Variants in FBXO34 observed in about 807,000 individuals in gnomAD.
The protein encoded by FBXO34 is F-box protein 34, also known as F-box only protein 34.
In FBXO34, 12 loss-of-function variants were observed where a neutral mutation model predicts 24.5. The observed-to-expected ratio is 0.49, with a 90% CI of 0.31 to 0.79. The LOEUF (loss-of-function observed/expected upper bound fraction) is 0.79. Among genes scored for constraint, FBXO34 ranks in the 30% least tolerant of loss-of-function variants. The pLI, the probability that FBXO34 is intolerant of heterozygous loss-of-function variation, is 0.04. For missense variants in FBXO34, 823 were observed against 857.7 expected (o/e 0.96, Z 0.51); for synonymous variants, 320 against 311.9 (o/e 1.03, Z -0.27).
At chr14:55,386,075 GT>G in the FBXO34 span, 2 of 1,609,878 alleles carry the variant, frequency 1.2e-6, no homozygotes, top group Non-Finnish European at 1.7e-6. Context: ...CTTTTCCTTG[GT>G]TTTGAGAAGG....
At chr14:55,417,880 A>G in the FBXO34 span, among the ~76,000 whole-genome samples, 5 of 152,200 alleles carry the variant, frequency 3.3e-5, no homozygotes, top group Non-Finnish European at 5.9e-5. Context: ...TTGAGATCAA[A>G]CAATATGGGC....
chr14:55,271,881 C>G (rs777908594), intron 1 of FBXO34: 1 of 152,184 alleles, frequency 6.6e-6, no homozygotes, highest in Non-Finnish European at 1.5e-5. Context: ...CTCCCACTTA[C>G]GGGACCCAGG....
chr14:55,322,891 T>G (rs571485820), intron 1 of FBXO34, among the ~76,000 whole-genome samples: 1 of 151,164 alleles, frequency 6.6e-6, no homozygotes, highest in East Asian at 2.0e-4. Flanking sequence ...ATTATTTTTT[T>G]GGCCGGGCAC....
At chr14:55,287,640 G>A (rs1881806232) in intron 1 of FBXO34, among the ~76,000 whole-genome samples, 2 of 152,114 alleles carry the variant, frequency 1.3e-5, no homozygotes, top group Admixed American at 6.5e-5. Flanking sequence ...TTGTTTGTTT[G>A]TTTGTTTTAT....
the FBXO34 span, among the ~76,000 whole-genome samples, chr14:55,418,338 T>A: frequency 6.6e-6 from 1 of 152,210 alleles, no homozygotes; most frequent in Non-Finnish European, 1.5e-5. Context: ...TCCCTACCCC[T>A]TAGTCAGCTC....
intron 1 of FBXO34, among the ~76,000 whole-genome samples, chr14:55,331,693 A>ATATATATATGTATATATATATATG (rs1555338515): frequency 1.5e-5 from 1 of 66,538 alleles, no homozygotes; most frequent in Non-Finnish European, 2.3e-5. Flanking sequence ...ATGTGTATAT[A>ATATATATATGTATATATATATATG]TATATATATA....
At chr14:55,396,714 C>T in the FBXO34 span, among the ~76,000 whole-genome samples, 6 of 152,266 alleles carry the variant, frequency 3.9e-5, no homozygotes, top group East Asian at 1.2e-3. Context: ...AATGAAGGCA[C>T]AAGAGATGCA....
chr14:55,436,009 C>T, the FBXO34 span: 1 of 960,938 alleles, frequency 1.0e-6, no homozygotes, highest in Admixed American at 2.9e-5. Flanking sequence ...CTTATTTTCT[C>T]ATTTCTTAGG....
At chr14:55,432,789 A>G in the FBXO34 span, among the ~76,000 whole-genome samples, 1 of 152,214 alleles carries the variant, frequency 6.6e-6, no homozygotes, top group Non-Finnish European at 1.5e-5. Flanking sequence ...TAACACCTAC[A>G]GGAGAAAACA....
At chr14:55,385,892 A>G in the FBXO34 span, 1 of 1,612,448 alleles carries the variant, frequency 6.2e-7, no homozygotes, top group Non-Finnish European at 8.5e-7. Flanking sequence ...GATTGGAAAA[A>G]TGACAGAGGT....
the FBXO34 span, chr14:55,381,959 C>A: frequency 6.2e-7 from 1 of 1,611,954 alleles, no homozygotes; most frequent in South Asian, 1.1e-5. Context: ...TGCTGCTTCT[C>A]ACCAGGCCCC....
chr14:55,411,868 CG>C, the FBXO34 span: 1 of 1,518,282 alleles, frequency 6.6e-7, no homozygotes, highest in African/African-American at 1.4e-5. Context: ...TGTTTTCAAC[CG>C]GGTGCATTCT....
At chr14:55,421,524 C>T in the FBXO34 span, among the ~76,000 whole-genome samples, 11 of 152,234 alleles carry the variant, frequency 7.2e-5, no homozygotes, top group Admixed American at 5.2e-4. Context: ...AGTGCAGTGG[C>T]GCGAACTTGG....
At chr14:55,275,308 A>G (rs1201842295) in intron 1 of FBXO34, among the ~76,000 whole-genome samples, 3 of 152,246 alleles carry the variant, frequency 2.0e-5, no homozygotes, top group African/African-American at 4.8e-5. Flanking sequence ...TGTAAATATG[A>G]AACTAAGTGC....
chr14:55,376,311 C>A, the FBXO34 span, among the ~76,000 whole-genome samples: 1 of 152,166 alleles, frequency 6.6e-6, no homozygotes, highest in Non-Finnish European at 1.5e-5. Flanking sequence ...GGATAAATTT[C>A]CTAATTTGAG....
At chr14:55,348,047 C>G (rs936658689) in intron 1 of FBXO34, among the ~76,000 whole-genome samples, 8 of 152,130 alleles carry the variant, frequency 5.3e-5, no homozygotes. Flanking sequence ...TTCTGGGTAG[C>G]TCTATTTGTA....
the FBXO34 span, among the ~76,000 whole-genome samples, chr14:55,416,426 C>T: frequency 6.6e-6 from 1 of 151,370 alleles, no homozygotes; most frequent in Non-Finnish European, 1.5e-5. Context: ...ACCCTGTCTC[C>T]ATAAAAATAA....
At chr14:55,435,923 G>A in the FBXO34 span, 3 of 1,571,806 alleles carry the variant, frequency 1.9e-6, no homozygotes, top group South Asian at 2.4e-5. Flanking sequence ...GTTTACAGTG[G>A]AAACTATATT....
At chr14:55,429,988 A>C in the FBXO34 span, among the ~76,000 whole-genome samples, 1 of 152,056 alleles carries the variant, frequency 6.6e-6, no homozygotes, top group Non-Finnish European at 1.5e-5. Context: ...TCTTCAATTC[A>C]ATTCAAACTC....
Sources: gnomAD v4.1 joint callset for allele counts (sites outside exome capture counted in the v4.1 genomes callset) on GRCh38, gnomAD v4.1.1 for gene constraint, MANE v1.5 for transcripts, NCBI Gene and HGNC (gene_info 2026-07-23, HGNC 2026-07-21) for gene names.